The following PRKN variants were observed in gnomAD, a reference collection of about 807,000 sequenced individuals.
The protein encoded by PRKN is E3 ubiquitin-protein ligase parkin.
In PRKN, 56 loss-of-function variants were observed where a neutral mutation model predicts 59.5. The ratio of observed to expected loss-of-function variants is 0.94; its 90% CI spans 0.76 to 1.18. PRKN has a LOEUF of 1.18. Ranked by LOEUF, PRKN falls within the 50% of genes most tolerant of loss-of-function variation. The probability of loss-of-function intolerance (pLI) is 0.00; values close to 1 mark genes in which losing one functional copy is unlikely to be tolerated. For missense variants in PRKN, 657 were observed against 596.4 expected, an observed-to-expected ratio of 1.10 and a Z score of -1.06; for synonymous variants, 250 against 222.1, an observed-to-expected ratio of 1.13 and a Z score of -1.12.
At chr6:162,568,496 C>T (rs769525554) in intron 1 of PRKN, 36 of 678,974 alleles carry the variant, frequency 5.3e-5, no homozygotes, top group Non-Finnish European at 8.4e-5. Context: ...GAGGCATCAC[C>T]GCCGTTGTGG....
intron 7 of PRKN, among the ~76,000 whole-genome samples, chr6:161,782,295 A>T (rs1215821640): frequency 6.6e-6 from 1 of 152,196 alleles, no homozygotes; most frequent in East Asian, 1.9e-4. Flanking sequence ...CTATAGAGTG[A>T]AAAAAGCAAG....
intron 10 of PRKN, among the ~76,000 whole-genome samples, chr6:161,380,858 G>A (rs1785945545): frequency 6.6e-6 from 1 of 152,106 alleles, no homozygotes; most frequent in South Asian, 2.1e-4. Context: ...TGGTACCATT[G>A]GGCTCACATT....
intron 7 of PRKN, among the ~76,000 whole-genome samples, chr6:161,574,271 G>A (rs1472718077): frequency 6.6e-6 from 1 of 152,072 alleles, no homozygotes; most frequent in African/African-American, 2.4e-5. Flanking sequence ...GAATGCATTC[G>A]CGTAGGGAGA....
chr6:161,886,454 T>C (rs1795150571), intron 6 of PRKN, among the ~76,000 whole-genome samples: 1 of 152,140 alleles, frequency 6.6e-6, no homozygotes, highest in African/African-American at 2.4e-5. Context: ...CCCAGCACTA[T>C]AGGAGGCCGA....
At chr6:162,709,992 G>C (rs899827993) in intron 1 of PRKN, among the ~76,000 whole-genome samples, 2 of 152,112 alleles carry the variant, frequency 1.3e-5, no homozygotes, top group African/African-American at 4.8e-5. Context: ...CGGAACCGTG[G>C]ATATTGCTCA....
rs1057291647 is a variant in PRKN at position 161,530,495 on chromosome 6, C to A, written c.1083+18359G>T. Among the ~76,000 whole-genome samples the A allele has an allele frequency of 1.3e-5, 2 of 151,942 alleles. No homozygotes were observed. The highest frequency in any genetic ancestry group is 4.2e-4 in the South Asian group (2 of 4,796). ...CATTCCGTGTCGAAGAAGACCTATACGGCTTGCTTCTTTTTTTCTTTTTTT... is the reference window on the plus strand; with the variant it reads ...CATTCCGTGTCGAAGAAGACCTATAAGGCTTGCTTCTTTTTTTCTTTTTTT... On this transcript the variant is annotated intron_variant, in intron 9 of 11. Coordinates refer to ENST00000366898, the MANE Select transcript of PRKN (RefSeq NM_004562.3). This position sits in a 1 kb window ranked among gnomAD's most constrained non-coding sequence, Gnocchi z 5.0.
chr6:162,393,884 C>T (rs760588319), intron 2 of PRKN, among the ~76,000 whole-genome samples: 2 of 152,084 alleles, frequency 1.3e-5, no homozygotes, highest in Non-Finnish European at 2.9e-5. Flanking sequence ...ATACTGGTAG[C>T]TCAAATAAAA....
chr6:162,106,115 G>C (rs1405205492), intron 4 of PRKN, among the ~76,000 whole-genome samples: 2 of 152,234 alleles, frequency 1.3e-5, no homozygotes, highest in Non-Finnish European at 2.9e-5. Flanking sequence ...ATACATCAGA[G>C]TTAAAGTATG....
At chr6:162,152,274 G>A (rs897703331) in intron 4 of PRKN, among the ~76,000 whole-genome samples, 18 of 152,134 alleles carry the variant, frequency 1.2e-4, no homozygotes, top group African/African-American at 3.9e-4. Flanking sequence ...TTCACAATGT[G>A]TGTCTCCCAA....
intron 2 of PRKN, among the ~76,000 whole-genome samples, chr6:162,306,139 T>C (rs34679975): frequency 0.04 from 6,057 of 152,282 alleles, 164 homozygotes; most frequent in Non-Finnish European, 0.062. Flanking sequence ...AATATTCTTA[T>C]ACAATTAAAG....
intron 1 of PRKN, among the ~76,000 whole-genome samples, chr6:162,444,778 A>T (rs1790229864): frequency 6.6e-6 from 1 of 152,144 alleles, no homozygotes; most frequent in Non-Finnish European, 1.5e-5. Context: ...AGACCTATGA[A>T]AAATCCCCAC....
chr6:161,905,817 C>T (rs1363294252), intron 6 of PRKN, among the ~76,000 whole-genome samples: 1 of 151,198 alleles, frequency 6.6e-6, no homozygotes, highest in African/African-American at 2.4e-5. Flanking sequence ...GAAAATTAGC[C>T]TGGCATGGTG....
chr6:162,385,701 G>C (rs1786765358), intron 2 of PRKN, among the ~76,000 whole-genome samples: 1 of 151,994 alleles, frequency 6.6e-6, no homozygotes, highest in African/African-American at 2.4e-5. Context: ...TGGAGTGGGA[G>C]GGAAAGTTTA....
In PRKN at chr6:162,156,045, A is replaced by G. The variant is rs151029283; in HGVS notation, c.534+45086T>C. Among the ~76,000 whole-genome samples, 7 of 148,284 alleles carry G rather than the reference A, an allele frequency of 4.7e-5. No individual in the cohort carries two copies. The East Asian group carries it at 1.0e-3, about 21-fold the overall frequency. On this transcript the variant is annotated intron_variant, in intron 4 of 11. Transcript: ENST00000366898. ...AATGAGGAAAATGAGTCATAAATAT[A>G]TGCCTTCACCCACATCTCATGTTTC...
chr6:161,781,771 T>C (rs1790215265), intron 7 of PRKN, among the ~76,000 whole-genome samples: 1 of 152,196 alleles, frequency 6.6e-6, no homozygotes, highest in African/African-American at 2.4e-5. Context: ...GTTTTCAACA[T>C]GACTGAGAAA....
At chr6:161,693,035 T>G (rs1785866051) in intron 7 of PRKN, among the ~76,000 whole-genome samples, 1 of 152,060 alleles carries the variant, frequency 6.6e-6, no homozygotes, top group Non-Finnish European at 1.5e-5. Context: ...TTTGGGTTCT[T>G]GATTTTAAAC....
intron 9 of PRKN, among the ~76,000 whole-genome samples, chr6:161,478,088 G>A (rs911684539): frequency 6.6e-6 from 1 of 152,176 alleles, no homozygotes; most frequent in Non-Finnish European, 1.5e-5. Flanking sequence ...GCAGATTAAG[G>A]ATGTCTCTTT....
chr6:162,479,348 C>G (rs1412732268), intron 1 of PRKN, among the ~76,000 whole-genome samples: 1 of 151,928 alleles, frequency 6.6e-6, no homozygotes, highest in Non-Finnish European at 1.5e-5. Flanking sequence ...GCCTCAGTCT[C>G]CTGAGTAGCT....
At position 161,349,779 on chromosome 6, in the gene PRKN, G is replaced by A. The variant is rs71653628; in HGVS notation, c.*320C>T. On this transcript the variant is annotated 3_prime_UTR_variant, in exon 12 of 12. Transcript: ENST00000366898. This position sits in a 1 kb window ranked among gnomAD's most constrained non-coding sequence, Gnocchi z 5.5. ...ATACATGGATTGCACTTGAATCTGT[G>A]CTCTGGTATTTGTGTCATCCGGAGG... The A allele has an allele frequency of 2.1e-6, 1 of 479,956 alleles. No homozygotes were observed. Among genetic ancestry groups the A allele is most frequent in the Non-Finnish European group, 3.9e-6 (1 of 259,114 alleles). 29.7% of individuals were successfully genotyped at this position (479,956 alleles called of 1,614,324 possible). A position where few individuals can be genotyped will look rare whatever the true frequency, so the allele number is the denominator to read the frequency against.
Sources: gnomAD v4.1 joint callset for allele counts (sites outside exome capture counted in the v4.1 genomes callset) on GRCh38, gnomAD v4.1.1 for gene constraint, Gnocchi (gnomAD v3.1) non-coding constraint, MANE v1.5 for transcripts, NCBI Gene and HGNC (gene_info 2026-07-23, HGNC 2026-07-21) for gene names.